The following ANKH variants were observed in gnomAD, a reference collection of about 807,000 sequenced individuals.
The protein encoded by ANKH is ANKH inorganic pyrophosphate transport regulator, also known as mineralization regulator ANKH.
ANKH carries 15 observed loss-of-function variants against 49.0 expected under a neutral mutation model. The observed-to-expected ratio is 0.31, with a 90% CI of 0.20 to 0.47. ANKH has a LOEUF of 0.47. Among genes scored for constraint, ANKH ranks in the 20% least tolerant of loss-of-function variants. The pLI is 1.00. For missense variants in ANKH, 429 were observed against 652.0 expected, an observed-to-expected ratio of 0.66 and a Z score of 3.72; for synonymous variants, 273 against 260.0, an observed-to-expected ratio of 1.05 and a Z score of -0.48.
intron 8 of ANKH, among the ~76,000 whole-genome samples, chr5:14,721,523 T>C (rs1040189246): frequency 6.6e-6 from 1 of 152,256 alleles, no homozygotes; most frequent in African/African-American, 2.4e-5. Flanking sequence ...CTTGCTATGC[T>C]TCCAGTAGGA....
At position 14,737,630 on chromosome 5, in the gene ANKH, A is replaced by T. The variant is rs941980306; in HGVS notation, c.1011+4197T>A. 6.6e-6 allele frequency among the ~76,000 whole-genome samples: 1 copy of T among 152,242 alleles called. No homozygotes were observed. The highest frequency in any genetic ancestry group is 1.9e-4 in the East Asian group (1 of 5,204). ...ACCTTGCATGGCGAGGCTGCGACGC[A>T]GTCTCCTTTGCGTGGCTGCAACCCT... On this transcript the variant is annotated intron_variant, in intron 8 of 11. Transcript: ENST00000284268. The surrounding 1 kb of genome is among the most constrained non-coding windows in gnomAD (Gnocchi z 5.0).
chr5:14,755,517 C>A (rs755876672), intron 4 of ANKH, among the ~76,000 whole-genome samples: 2 of 152,166 alleles, frequency 1.3e-5, no homozygotes, highest in Non-Finnish European at 2.9e-5. Flanking sequence ...GGCACCCAGG[C>A]AAGTAAACAG....
At chr5:14,791,169 G>C (rs1740153130) in intron 1 of ANKH, among the ~76,000 whole-genome samples, 1 of 152,168 alleles carries the variant, frequency 6.6e-6, no homozygotes, top group Non-Finnish European at 1.5e-5. Context: ...CCATCAGGCT[G>C]ATATCTGAGT....
intron 1 of ANKH, among the ~76,000 whole-genome samples, chr5:14,796,933 G>A (rs2126554621): frequency 6.6e-6 from 1 of 152,278 alleles, no homozygotes; most frequent in South Asian, 2.1e-4. Context: ...ACATAACTCT[G>A]TAGCTTTGTT....
At chr5:14,866,586 C>T (rs995323505) in intron 1 of ANKH, among the ~76,000 whole-genome samples, 3 of 152,154 alleles carry the variant, frequency 2.0e-5, no homozygotes, top group African/African-American at 7.2e-5. Context: ...TTTGCAGATA[C>T]TTTAAAAGAA....
chr5:14,853,955 G>A (rs894710784), intron 1 of ANKH, among the ~76,000 whole-genome samples: 2 of 152,214 alleles, frequency 1.3e-5, no homozygotes, highest in African/African-American at 4.8e-5. Flanking sequence ...CTGTCACCAG[G>A]CACCTGGTCC....
intron 1 of ANKH, among the ~76,000 whole-genome samples, chr5:14,859,843 A>AT (rs1336682602): frequency 2.0e-5 from 3 of 152,226 alleles, no homozygotes; most frequent in African/African-American, 7.2e-5. Flanking sequence ...TAAAATATGA[A>AT]TTTTACAAAA....
At chr5:14,830,510 A>AGTGTGTGTGTGT (rs35379260) in intron 1 of ANKH, among the ~76,000 whole-genome samples, 510 of 147,380 alleles carry the variant, frequency 3.5e-3, no homozygotes, top group African/African-American at 0.011. Flanking sequence ...AGGTAGGGGG[A>AGTGTGTGTGTGT]GTGTGTGTGT....
At position 14,709,769 on chromosome 5, in the gene ANKH, C is replaced by G. The variant is rs1208249697; in HGVS notation, c.*1428G>C. On this transcript the variant is annotated 3_prime_UTR_variant, in exon 12 of 12. Coordinates refer to ENST00000284268, the MANE Select transcript of ANKH (RefSeq NM_054027.6). ...CAATAAGGTACAATGTTCATTGATA[C>G]AATACGTTTCAACTGCAGGTATGTT... The G allele has an allele frequency of 6.6e-6, 1 of 152,556 alleles. No individual in the cohort carries two copies. The highest frequency in any genetic ancestry group is 1.5e-5 in the Non-Finnish European group (1 of 68,036). The allele number at this position is 152,556 out of a possible 1,614,324, so 9.5% of individuals were successfully genotyped here.
At chr5:14,791,706 G>C (rs1389566039) in intron 1 of ANKH, among the ~76,000 whole-genome samples, 1 of 152,162 alleles carries the variant, frequency 6.6e-6, no homozygotes, top group Non-Finnish European at 1.5e-5. Context: ...AAGAATGCCA[G>C]TTTTGCATTT....
intron 1 of ANKH, among the ~76,000 whole-genome samples, chr5:14,858,755 AAATAAAAT>A (rs1561087729): frequency 3.4e-4 from 18 of 53,262 alleles, no homozygotes; most frequent in African/African-American, 1.2e-3. Flanking sequence ...ATAAATAAAT[AAATAAAAT>A]AAAATAAAAT....
Position 14,711,001 on chromosome 5 carries a change from C to A in ANKH, c.*196G>T. The A allele has an allele frequency of 1.6e-6, 1 of 616,580 alleles. No individual in the cohort carries two copies. 38.2% of individuals were successfully genotyped at this position (616,580 alleles called of 1,614,324 possible). A position where few individuals can be genotyped will look rare whatever the true frequency, so the allele number is the denominator to read the frequency against. ...GTTTTTACATAGCAACAGTAAAGAC[C>A]ATTCACTAGGTCCCCCCGTCAGTGT... is the stretch of plus-strand genomic sequence containing the variant. On this transcript the variant is annotated 3_prime_UTR_variant, in exon 12 of 12. Coordinates refer to ENST00000284268, the MANE Select transcript of ANKH (RefSeq NM_054027.6).
chr5:14,739,970 G>A (rs937002480), intron 8 of ANKH, among the ~76,000 whole-genome samples: 2 of 152,110 alleles, frequency 1.3e-5, no homozygotes, highest in Non-Finnish European at 2.9e-5. Context: ...CAGATTATAA[G>A]TCATTATCAT....
At chr5:14,767,076 A>C (rs1197265411) in intron 2 of ANKH, among the ~76,000 whole-genome samples, 1 of 152,180 alleles carries the variant, frequency 6.6e-6, no homozygotes, top group Admixed American at 6.5e-5. Context: ...ACGTTCAATG[A>C]CATAGGAAAG....
At chr5:14,797,259 G>A (rs1240945801) in intron 1 of ANKH, 2 of 1,412,196 alleles carry the variant, frequency 1.4e-6, no homozygotes, top group Non-Finnish European at 2.0e-6. Flanking sequence ...GGGATTCCAG[G>A]AGAAATCAGG....
chr5:14,746,313 CTTTCT>C (rs1474744094), intron 6 of ANKH, among the ~76,000 whole-genome samples: 1 of 146,580 alleles, frequency 6.8e-6, no homozygotes, highest in Non-Finnish European at 1.5e-5. Flanking sequence ...TTCCTTCTCT[CTTTCT>C]TTTAATTTTT....
In ANKH at chr5:14,749,220, G is replaced by A. The variant is rs753040702; in HGVS notation, c.774C>T (p.Val258=). The A allele has an allele frequency of 1.2e-6, 2 of 1,614,146 alleles. No homozygotes were observed. The highest frequency in any genetic ancestry group is 1.7e-6 in the Non-Finnish European group (2 of 1,179,996). ...LATQRISRPI[V]NLFVSRDLGG... ...CAAGGTCCCGGGAAACAAAGAGGTT[G>A]ACAATAGGCCGACTGATTCTCTGTG... Residue 258 remains valine (V), a synonymous_variant, in exon 6 of 12, where the codon GTC becomes GTT. Coordinates refer to ENST00000284268, the MANE Select transcript of ANKH (RefSeq NM_054027.6).
At chr5:14,779,387 CT>C (rs1739736126) in intron 1 of ANKH, among the ~76,000 whole-genome samples, 2 of 152,348 alleles carry the variant, frequency 1.3e-5, no homozygotes, top group South Asian at 4.1e-4. Flanking sequence ...TTCCCACCCT[CT>C]TTCTTGTCTT....
At chr5:14,766,483 T>A (rs1018236757) in intron 2 of ANKH, among the ~76,000 whole-genome samples, 1 of 152,200 alleles carries the variant, frequency 6.6e-6, no homozygotes, top group Admixed American at 6.5e-5. Context: ...ACTCAATCCA[T>A]GAGGCCTGTC....
Sources: allele counts gnomAD v4.1 joint callset (sites outside exome capture counted in the v4.1 genomes callset), GRCh38; gene constraint gnomAD v4.1.1; non-coding constraint Gnocchi (gnomAD v3.1); transcripts MANE v1.5; gene names NCBI Gene and HGNC (gene_info 2026-07-23, HGNC 2026-07-21).